MIOS: variants seen among roughly 807,000 people sequenced by gnomAD.
MIOS encodes the protein GATOR2 complex protein MIOS.
A neutral mutation model predicts 96.9 loss-of-function variants in MIOS; 52 were observed. The ratio of observed to expected loss-of-function variants is 0.54; its 90% confidence interval spans 0.43 to 0.68. MIOS has a LOEUF of 0.68. Ranked by LOEUF, MIOS falls within the 30% of genes least tolerant of loss-of-function variation. MIOS has a pLI of 0.00. For missense variants in MIOS, 1,005 were observed against 1,052.8 expected, an observed-to-expected ratio of 0.95 and a Z score of 0.63; for synonymous variants, 397 against 359.5, an observed-to-expected ratio of 1.10 and a Z score of -1.18.
rs187825440 is a variant in MIOS, at chr7:7,592,775, A to T, written c.2044-2205A>T. 8.5e-5 allele frequency among the ~76,000 whole-genome samples: 13 copies of T among 152,286 alleles called. No individual in the cohort carries two copies. In the East Asian group the frequency reaches 2.5e-3, roughly 29 times the overall value. ...GACAGGAGGCAGAGCTCAGGCACTA[A>T]TGTGAGGGATGGGGAGCAGCCGTAA... On this transcript the variant is annotated intron_variant, in intron 9 of 12. Transcript: ENST00000340080.
At chr7:7,575,914 T>C (rs1217514626) in intron 5 of MIOS, among the ~76,000 whole-genome samples, 1 of 152,066 alleles carries the variant, frequency 6.6e-6, no homozygotes, top group East Asian at 1.9e-4. Flanking sequence ...TATTTTTGTT[T>C]CTACTACCCA....
At chr7:7,577,590 G>C (rs554791733) in intron 5 of MIOS, among the ~76,000 whole-genome samples, 38 of 152,288 alleles carry the variant, frequency 2.5e-4, no homozygotes, top group Non-Finnish European at 5.6e-4. Flanking sequence ...AGAGAGAAGG[G>C]AGTGAAGCGA....
At chr7:7,586,622 A>C (rs917066360) in intron 7 of MIOS, among the ~76,000 whole-genome samples, 6 of 152,232 alleles carry the variant, frequency 3.9e-5, no homozygotes, top group Admixed American at 6.5e-5. Context: ...TTAGTCCCTA[A>C]GAATTTGTAA....
Position 7,572,965 on chromosome 7 carries a change from T to C in MIOS, c.490T>C (p.Ser164Pro). ...AGTTCCCATGGAAAAAGTGAAACTT[T>C]CAGCAGGTGAAACTGAAACAACATT... ...DIVPMEKVKL[S>P]AGETETTLLV... The change falls in exon 4 of 13, where the codon TCA becomes CCA. Residue 164 changes from serine (S) to proline (P), a missense_variant. Transcript: ENST00000340080. This position sits in a 1 kb window ranked among gnomAD's most constrained non-coding sequence, Gnocchi z 4.8. The C allele has an allele frequency of 6.2e-7, 1 of 1,614,166 alleles. No homozygotes were observed. Among genetic ancestry groups the C allele is most frequent in the Non-Finnish European group, 8.5e-7 (1 of 1,180,002 alleles).
chr7:7,593,183 G>A (rs576606256), intron 9 of MIOS, among the ~76,000 whole-genome samples: 15 of 152,270 alleles, frequency 9.9e-5, no homozygotes, highest in African/African-American at 3.6e-4. Context: ...TTAAACCAGG[G>A]ATTATATGCT....
chr7:7,580,626 A>T (rs937041367), intron 5 of MIOS, among the ~76,000 whole-genome samples: 2 of 151,986 alleles, frequency 1.3e-5, no homozygotes, highest in African/African-American at 2.4e-5. Context: ...AGATAATCAC[A>T]CAAGGTTTTT....
chr7:7,606,042 A>C lies in MIOS; in HGVS notation c.2502A>C (p.Gly834=). 1 of 1,613,974 alleles carries C rather than the reference A, an allele frequency of 6.2e-7. No homozygotes were observed. The highest frequency in any genetic ancestry group is 8.5e-7 in the Non-Finnish European group (1 of 1,179,884). The change falls in exon 12 of 13, where the codon GGA becomes GGC. Residue 834 remains glycine (G), a synonymous_variant. Coordinates refer to ENST00000340080, the MANE Select transcript of MIOS (RefSeq NM_019005.4). ...GGTGTCATAATTGCAGGCACGGTGGACATGCTGGACATATGCTTAGTTGGT... is the reference window on the plus strand; with the variant it reads ...GGTGTCATAATTGCAGGCACGGTGGCCATGCTGGACATATGCTTAGTTGGT... ...FTWCHNCRHG[G]HAGHMLSWFR... is the part of the protein sequence containing the mutation.
At chr7:7,592,796 C>T (rs73340632) in intron 9 of MIOS, among the ~76,000 whole-genome samples, 27,512 of 152,074 alleles carry the variant, frequency 0.18, 3,265 homozygotes, top group African/African-American at 0.34. Flanking sequence ...GGGGAGCAGC[C>T]GTAAATACAG....
In MIOS at chr7:7,607,069, C is replaced by A. The variant is rs1784553215; in HGVS notation, c.2605C>A (p.Pro869Thr). Residue 869 changes from proline (P) to threonine (T), a missense_variant, in exon 13 of 13, where the codon CCT (proline) becomes ACT (threonine). Pro to Thr is a conservative substitution (Grantham distance 38). Transcript: ENST00000340080. ...GTTGGATACAACAGGGAATCTGGTA[C>A]CTGCAGAGACTGTCCAGCCATAAAA... Reference protein sequence around the residue: ...MQLDTTGNLVPAETVQP With the variant: ...MQLDTTGNLVTAETVQP 6.2e-7 allele frequency: 1 copy of A among 1,612,282 alleles called. No homozygotes were observed. The highest frequency in any genetic ancestry group is 8.5e-7 in the Non-Finnish European group (1 of 1,179,106).
At chr7:7,582,025 C>T (rs912884690) in intron 5 of MIOS, among the ~76,000 whole-genome samples, 7 of 16,104 alleles carry the variant, frequency 4.3e-4, no homozygotes, top group Admixed American at 8.7e-4. Flanking sequence ...GGCGGGAGGG[C>T]GGGCCAGGAC....
chr7:7,574,475 T>G (rs1368326191), intron 5 of MIOS, among the ~76,000 whole-genome samples: 1 of 152,140 alleles, frequency 6.6e-6, no homozygotes, highest in African/African-American at 2.4e-5. Context: ...AAAACCCACT[T>G]TGAGAGGTTT....
At chr7:7,593,115 C>G (rs1367189111) in intron 9 of MIOS, among the ~76,000 whole-genome samples, 2 of 152,110 alleles carry the variant, frequency 1.3e-5, no homozygotes, top group Admixed American at 1.3e-4. Context: ...CCCCTTCTTG[C>G]CATATAAGGG....
At chr7:7,592,395 C>T (rs1784074632) in intron 9 of MIOS, among the ~76,000 whole-genome samples, 1 of 152,168 alleles carries the variant, frequency 6.6e-6, no homozygotes, top group Non-Finnish European at 1.5e-5. Flanking sequence ...AGAATCTTAA[C>T]TTTGTTACAG....
chr7:7,579,499 A>G (rs1477198494), intron 5 of MIOS, among the ~76,000 whole-genome samples: 1 of 152,166 alleles, frequency 6.6e-6, no homozygotes, highest in African/African-American at 2.4e-5. Flanking sequence ...TAGGTACTCA[A>G]ATACTTACCA....
chr7:7,602,754 A>G (rs910072921), intron 11 of MIOS, among the ~76,000 whole-genome samples: 3 of 152,198 alleles, frequency 2.0e-5, no homozygotes, highest in Non-Finnish European at 4.4e-5. Flanking sequence ...AAGAGCCCGC[A>G]TTGCCAAGTC....
At chr7:7,592,177 C>T (rs1227805374) in intron 9 of MIOS, among the ~76,000 whole-genome samples, 2 of 152,164 alleles carry the variant, frequency 1.3e-5, no homozygotes, top group East Asian at 3.9e-4. Context: ...TTTAGTAGGA[C>T]ATGGTTTCAC....
chr7:7,574,860 T>C (rs1038935947), intron 5 of MIOS, among the ~76,000 whole-genome samples: 2 of 152,102 alleles, frequency 1.3e-5, no homozygotes, highest in Non-Finnish European at 2.9e-5. Context: ...TATATTAGAA[T>C]TGCAGGTTGA....
rs1371721251 is a variant in MIOS at position 7,596,343 on chromosome 7, T to C, written c.2283T>C (p.Tyr761=). Residue 761 remains tyrosine, a synonymous_variant, in exon 11 of 13, where the codon TAT becomes TAC. Coordinates refer to ENST00000340080, the MANE Select transcript of MIOS (RefSeq NM_019005.4). ...ATCAGGGCAGAGGTTTTAGTCAGTATGGTGTGAGTGGCTCACCAACGAAAT... is the reference window on the plus strand; with the variant it reads ...ATCAGGGCAGAGGTTTTAGTCAGTACGGTGTGAGTGGCTCACCAACGAAAT... The part of the protein sequence containing the change: ...VPHQGRGFSQ[Y]GVSGSPTKSK... 1.2e-6 allele frequency: 2 copies of C among 1,614,184 alleles called. No homozygotes were observed. Among genetic ancestry groups the C allele is most frequent in the African/African-American group, 1.3e-5 (1 of 75,046 alleles).
At chr7:7,592,634 A>T (rs531974750) in intron 9 of MIOS, among the ~76,000 whole-genome samples, 8 of 151,960 alleles carry the variant, frequency 5.3e-5, no homozygotes, top group Admixed American at 4.6e-4. Context: ...GATGGGAGAC[A>T]TTGACAGATC....
Sources: allele counts gnomAD v4.1 joint callset (sites outside exome capture counted in the v4.1 genomes callset), GRCh38; gene constraint gnomAD v4.1.1; non-coding constraint Gnocchi (gnomAD v3.1); transcripts MANE v1.5; gene names NCBI Gene and HGNC (gene_info 2026-07-23, HGNC 2026-07-21).